SH2D4B: variants seen among roughly 807,000 people sequenced by gnomAD.
The protein encoded by SH2D4B is SH2 domain containing 4B, also known as SH2 domain-containing protein 4B.
In SH2D4B, 45 loss-of-function variants were observed where a neutral mutation model predicts 61.5. The ratio of observed to expected loss-of-function variants is 0.73; its 90% CI spans 0.58 to 0.94. The LOEUF is 0.94. Among genes scored for constraint, SH2D4B ranks in the 40% least tolerant of loss-of-function variants. SH2D4B has a pLI of 0.00. For synonymous variants in SH2D4B, 224 were observed against 220.4 expected, an observed-to-expected ratio of 1.02 and a Z score of -0.14; for missense variants, 572 against 574.2, an observed-to-expected ratio of 1.00 and a Z score of 0.04.
chr10:80,588,238 T>C (rs1842282603), intron 3 of SH2D4B, among the ~76,000 whole-genome samples: 1 of 152,094 alleles, frequency 6.6e-6, no homozygotes, highest in Non-Finnish European at 1.5e-5. Flanking sequence ...TATAACAATG[T>C]GTAAGAAAAC....
intron 3 of SH2D4B, among the ~76,000 whole-genome samples, chr10:80,585,609 C>A (rs1194952522): frequency 6.6e-6 from 1 of 152,232 alleles, no homozygotes; most frequent in Non-Finnish European, 1.5e-5. Context: ...ACCACCGCGC[C>A]CAGCCAGGAT....
At chr10:80,574,770 G>T in intron 3 of SH2D4B, among the ~76,000 whole-genome samples, 1 of 152,110 alleles carries the variant, frequency 6.6e-6, no homozygotes, top group Admixed American at 6.5e-5. Flanking sequence ...GCGCAATCTC[G>T]GCTCACTGAA....
At chr10:80,619,980 A>T (rs1441472805) in intron 6 of SH2D4B, among the ~76,000 whole-genome samples, 2 of 152,138 alleles carry the variant, frequency 1.3e-5, no homozygotes, top group African/African-American at 4.8e-5. Flanking sequence ...TCAGCCTTAA[A>T]ATTGGTTAGG....
Position 80,571,659 on chromosome 10 carries a change from A to T in SH2D4B, c.495+81A>T, listed in dbSNP as rs73307151. 2,794 of 1,544,308 alleles carry T rather than the reference A, an allele frequency of 1.8e-3. 54 individuals carry two copies. In the African/African-American group the frequency reaches 0.034, roughly 19 times the overall value. On this transcript the variant is annotated intron_variant, in intron 3 of 7. Transcript: ENST00000646907. ...CTGGGGCTGACCTCTGGTTTGGATC[A>T]ATCCTTGGCCATTGGTTGGTACTGG...
intron 1 of SH2D4B, among the ~76,000 whole-genome samples, chr10:80,548,911 A>ATTTACT (rs535028218): frequency 6.0e-4 from 91 of 152,272 alleles, no homozygotes; most frequent in African/African-American, 2.1e-3. Flanking sequence ...TAGTTTACAC[A>ATTTACT]TTTACTTTTA....
chr10:80,546,012 T>C (rs1444042974), intron 1 of SH2D4B, among the ~76,000 whole-genome samples: 3 of 113,002 alleles, frequency 2.7e-5, no homozygotes, highest in Non-Finnish European at 4.1e-5. Context: ...CTCTCTCTCT[T>C]TCTTTCTTTC....
chr10:80,575,991 C>T (rs55861092), intron 3 of SH2D4B, among the ~76,000 whole-genome samples: 2,249 of 152,344 alleles, frequency 0.015, 59 homozygotes, highest in African/African-American at 0.05. Flanking sequence ...TTTTATCTCT[C>T]TCCTAACCGT....
intron 3 of SH2D4B, among the ~76,000 whole-genome samples, chr10:80,574,253 C>T (rs1420397187): frequency 6.6e-6 from 1 of 152,188 alleles, no homozygotes; most frequent in African/African-American, 2.4e-5. Flanking sequence ...CCTCCCTCCT[C>T]AGCCTCCCAA....
At position 80,571,361 on chromosome 10, in the gene SH2D4B, T is replaced by G. The variant is rs1381998080; in HGVS notation, c.348-70T>G. 2.0e-6 allele frequency: 3 copies of G among 1,517,892 alleles called. No individual in the cohort carries two copies. The East Asian group carries it at 7.0e-5, about 36-fold the overall frequency. 94.0% of individuals were successfully genotyped at this position (1,517,892 alleles called of 1,614,324 possible). Reference sequence around the variant, plus strand: ...AGGAAAAATTGCTCATTGTTTTTATTTCAAGTTCTATTGTTAGGTGGTCCT... The same window carrying G: ...AGGAAAAATTGCTCATTGTTTTTATGTCAAGTTCTATTGTTAGGTGGTCCT... On this transcript the variant is annotated intron_variant, in intron 2 of 7. Transcript: ENST00000646907.
chr10:80,585,063 A>G (rs2132127186), intron 3 of SH2D4B, among the ~76,000 whole-genome samples: 1 of 152,372 alleles, frequency 6.6e-6, no homozygotes, highest in East Asian at 1.9e-4. Flanking sequence ...TGTTTAACAC[A>G]TACATGTTAC....
chr10:80,612,198 T>TTC (rs59848195), intron 6 of SH2D4B, among the ~76,000 whole-genome samples: 41 of 125,230 alleles, frequency 3.3e-4, no homozygotes, highest in Admixed American at 5.5e-4. Flanking sequence ...TTTTTTTTTT[T>TTC]CAACTTTACT....
At chr10:80,544,438 G>A (rs969323965) in intron 1 of SH2D4B, among the ~76,000 whole-genome samples, 1 of 152,246 alleles carries the variant, frequency 6.6e-6, no homozygotes, top group Non-Finnish European at 1.5e-5. Context: ...GTGAGACCAA[G>A]AACCCACCAA....
intron 6 of SH2D4B, among the ~76,000 whole-genome samples, chr10:80,609,904 G>T (rs1267314907): frequency 6.6e-6 from 1 of 152,146 alleles, no homozygotes; most frequent in African/African-American, 2.4e-5. Flanking sequence ...CCTGGATCCT[G>T]GCCACAGCCT....
At chr10:80,640,785 C>T (rs1256187386) in intron 7 of SH2D4B, among the ~76,000 whole-genome samples, 3 of 152,208 alleles carry the variant, frequency 2.0e-5, no homozygotes, top group Non-Finnish European at 2.9e-5. Flanking sequence ...CTGAAGCCTA[C>T]TTCTGTCAAC....
intron 1 of SH2D4B, among the ~76,000 whole-genome samples, chr10:80,556,043 A>G (rs1021640103): frequency 3.9e-5 from 6 of 152,136 alleles, no homozygotes; most frequent in Non-Finnish European, 7.3e-5. Context: ...TTTTATTTGC[A>G]GGGAAATCTG....
In SH2D4B at chr10:80,646,266, C is replaced by T. The variant is rs562093409; in HGVS notation, c.*2181C>T. 1 of 152,756 alleles carries T rather than the reference C, an allele frequency of 6.5e-6. No individual in the cohort carries two copies. The highest frequency in any genetic ancestry group is 2.4e-5 in the African/African-American group (1 of 41,562). 9.5% of individuals were successfully genotyped at this position (152,756 alleles called of 1,614,324 possible). ...CAACTTCTGTTCCAAGAACTCCCAG[C>T]AGCTTTGAAAGCAGACTGAGATGAG... On this transcript the variant is annotated 3_prime_UTR_variant, in exon 8 of 8. Coordinates refer to ENST00000646907, the MANE Select transcript of SH2D4B (RefSeq NM_001388272.1).
intron 6 of SH2D4B, among the ~76,000 whole-genome samples, chr10:80,612,889 C>G (rs1015768101): frequency 1.3e-5 from 2 of 152,206 alleles, no homozygotes; most frequent in East Asian, 3.9e-4. Flanking sequence ...GGGGTCCATT[C>G]TAGAACTTAG....
chr10:80,549,246 AGTTT>A (rs1841726381), intron 1 of SH2D4B, among the ~76,000 whole-genome samples: 1 of 120,758 alleles, frequency 8.3e-6, no homozygotes, highest in Admixed American at 8.3e-5. Flanking sequence ...TGTGTGTGTG[AGTTT>A]GGCATGTGTT....
chr10:80,580,851 C>T (rs146674677), intron 3 of SH2D4B, among the ~76,000 whole-genome samples: 3 of 152,192 alleles, frequency 2.0e-5, no homozygotes, highest in East Asian at 1.9e-4. Flanking sequence ...TTTGGGCAGC[C>T]AGAGCAAGGC....
Sources: allele counts gnomAD v4.1 joint callset (sites outside exome capture counted in the v4.1 genomes callset), GRCh38; gene constraint gnomAD v4.1.1; transcripts MANE v1.5; gene names NCBI Gene and HGNC (gene_info 2026-07-23, HGNC 2026-07-21).